GALNT14: variants seen among roughly 807,000 people sequenced by gnomAD.
GALNT14 encodes polypeptide N-acetylgalactosaminyltransferase 14.
A neutral mutation model predicts 77.5 loss-of-function variants in GALNT14; 60 were observed. The ratio of observed to expected loss-of-function variants is 0.77; its 90% CI spans 0.63 to 0.96. The LOEUF is 0.96. Among genes scored for constraint, GALNT14 ranks in the 40% least tolerant of loss-of-function variants. The pLI, the probability that GALNT14 is intolerant of heterozygous loss-of-function variation, is 0.00. For synonymous variants in GALNT14, 280 were observed against 281.7 expected (o/e 0.99, Z 0.06); for missense variants, 710 against 731.0 (o/e 0.97, Z 0.33).
chr2:31,047,260 G>A (rs1317053250), intron 1 of GALNT14, among the ~76,000 whole-genome samples: 1 of 152,170 alleles, frequency 6.6e-6, no homozygotes, highest in Non-Finnish European at 1.5e-5. Context: ...TGGTGGGAAG[G>A]GAAGTAGGAA....
intron 4 of GALNT14, among the ~76,000 whole-genome samples, chr2:30,957,133 C>A (rs1667416705): frequency 6.6e-6 from 1 of 152,086 alleles, no homozygotes; most frequent in Non-Finnish European, 1.5e-5. Context: ...GTTTATTGAC[C>A]TTGGCCTCCC....
chr2:31,065,709 A>G (rs1041572595), intron 1 of GALNT14, among the ~76,000 whole-genome samples: 11 of 152,180 alleles, frequency 7.2e-5, no homozygotes, highest in African/African-American at 2.7e-4. Flanking sequence ...GCACTATGGA[A>G]GGCATCACAT....
intron 1 of GALNT14, among the ~76,000 whole-genome samples, chr2:31,064,301 C>T (rs995664878): frequency 2.0e-5 from 3 of 152,228 alleles, no homozygotes; most frequent in Non-Finnish European, 4.4e-5. Flanking sequence ...AAAGTCCAGT[C>T]ACAGACACAA....
At chr2:31,045,064 T>G (rs2148507056) in intron 1 of GALNT14, among the ~76,000 whole-genome samples, 1 of 152,174 alleles carries the variant, frequency 6.6e-6, no homozygotes, top group East Asian at 1.9e-4. Context: ...AGGATCCATG[T>G]GTATAAGGGG....
chr2:30,892,591 T>C, the GALNT14 span, among the ~76,000 whole-genome samples: 6 of 152,228 alleles, frequency 3.9e-5, no homozygotes, highest in African/African-American at 1.4e-4. Context: ...GTTGGTATAA[T>C]GAACAGCCTT....
chr2:30,965,010 G>A (rs1029307278), intron 3 of GALNT14, among the ~76,000 whole-genome samples: 1 of 152,152 alleles, frequency 6.6e-6, no homozygotes, highest in African/African-American at 2.4e-5. Context: ...GGCACCAGCT[G>A]ATGTGCTGCT....
downstream of GALNT14, among the ~76,000 whole-genome samples, chr2:30,908,366 G>C (rs1464719869): frequency 1.3e-5 from 2 of 151,706 alleles, no homozygotes; most frequent in Non-Finnish European, 2.9e-5. Context: ...AAAGTCTCAG[G>C]ATACAAAATC....
intron 1 of GALNT14, among the ~76,000 whole-genome samples, chr2:31,121,600 T>C (rs886971215): frequency 2.0e-5 from 3 of 152,134 alleles, no homozygotes; most frequent in African/African-American, 7.2e-5. Flanking sequence ...CTGGTTTCTA[T>C]TCATCTCTAG....
intron 1 of GALNT14, among the ~76,000 whole-genome samples, chr2:31,003,782 G>C (rs945465717): frequency 1.3e-5 from 2 of 152,154 alleles, no homozygotes; most frequent in Non-Finnish European, 2.9e-5. Flanking sequence ...ACAGAAGCCC[G>C]GTTTTTGTTT....
intron 1 of GALNT14, among the ~76,000 whole-genome samples, chr2:31,068,449 T>C (rs1416850010): frequency 6.9e-6 from 1 of 145,054 alleles, no homozygotes; most frequent in African/African-American, 2.6e-5. Context: ...ATTGCGCCAC[T>C]GCACTCCAGA....
intron 1 of GALNT14, among the ~76,000 whole-genome samples, chr2:31,024,699 G>A (rs1233216581): frequency 6.6e-6 from 1 of 152,128 alleles, no homozygotes; most frequent in Admixed American, 6.5e-5. Context: ...TAGAATGTTG[G>A]CCTCGTGAGG....
intron 2 of GALNT14, among the ~76,000 whole-genome samples, chr2:30,977,739 C>T (rs1015646646): frequency 4.6e-5 from 7 of 152,116 alleles, no homozygotes; most frequent in East Asian, 1.9e-4. Flanking sequence ...GACTCACATC[C>T]GTGCGCCATT....
chr2:30,933,152 AT>A (rs148894823), intron 9 of GALNT14, among the ~76,000 whole-genome samples: 11,227 of 152,222 alleles, frequency 0.074, 666 homozygotes, highest in East Asian at 0.3. Context: ...GCATGGTGAC[AT>A]TCAAAAGCAG....
At chr2:30,931,686 C>T (rs1665738146) in intron 10 of GALNT14, among the ~76,000 whole-genome samples, 1 of 152,136 alleles carries the variant, frequency 6.6e-6, no homozygotes, top group African/African-American at 2.4e-5. Context: ...CCTAGTGACC[C>T]AGCCCGAAGG....
intron 1 of GALNT14, among the ~76,000 whole-genome samples, chr2:31,112,466 C>A (rs1300396232): frequency 6.6e-6 from 1 of 152,156 alleles, no homozygotes; most frequent in South Asian, 2.1e-4. Flanking sequence ...GGGACAGCAC[C>A]AGGCACACTG....
chr2:30,894,769 A>G, the GALNT14 span, among the ~76,000 whole-genome samples: 17 of 152,120 alleles, frequency 1.1e-4, no homozygotes, highest in Admixed American at 9.8e-4. Flanking sequence ...GAGGGTGGTG[A>G]GTGGTCATCC....
chr2:31,128,669 C>T (rs900819931), intron 1 of GALNT14, among the ~76,000 whole-genome samples: 1 of 151,334 alleles, frequency 6.6e-6, no homozygotes, highest in Non-Finnish European at 1.5e-5. Context: ...GCAGCGTGGG[C>T]TCCTGGCTAG....
intron 1 of GALNT14, among the ~76,000 whole-genome samples, chr2:31,056,861 CA>C (rs1240871210): frequency 5.9e-5 from 9 of 152,118 alleles, no homozygotes; most frequent in African/African-American, 9.7e-5. Context: ...CACACGATCG[CA>C]AACACATGGA....
intron 1 of GALNT14, among the ~76,000 whole-genome samples, chr2:31,086,321 C>T (rs1424641116): frequency 1.3e-5 from 2 of 152,218 alleles, no homozygotes; most frequent in East Asian, 1.9e-4. Context: ...AGCCTTGGGA[C>T]TGCCCTACTG....
Sources: allele counts gnomAD v4.1 joint callset (sites outside exome capture counted in the v4.1 genomes callset), GRCh38; gene constraint gnomAD v4.1.1; transcripts MANE v1.5; gene names NCBI Gene and HGNC (gene_info 2026-07-23, HGNC 2026-07-21).